The following PTPN4 variants were observed in gnomAD, a reference collection of about 807,000 sequenced individuals.
The protein encoded by PTPN4 is protein tyrosine phosphatase non-receptor type 4.
PTPN4 carries 49 observed loss-of-function variants against 135.5 expected under a neutral mutation model. The observed-to-expected ratio is 0.36, with a 90% confidence interval of 0.29 to 0.46. The LOEUF (loss-of-function observed/expected upper bound fraction) is 0.46, where lower values mean the gene tolerates loss of function less well. Among genes scored for constraint, PTPN4 ranks in the 20% least tolerant of loss-of-function variants. PTPN4 has a pLI of 1.00. For missense variants in PTPN4, 860 were observed against 1,101.0 expected (o/e 0.78, Z 3.10); for synonymous variants, 333 against 369.9 (o/e 0.90, Z 1.14).
At chr2:119,793,956 A>G (rs1558727461) in intron 1 of PTPN4, among the ~76,000 whole-genome samples, 1 of 133,506 alleles carries the variant, frequency 7.5e-6, no homozygotes, top group Non-Finnish European at 1.5e-5. Context: ...CCTGGGTTCA[A>G]GTGATCCTCC....
chr2:119,874,879 A>G (rs1433680213), intron 3 of PTPN4, among the ~76,000 whole-genome samples: 1 of 152,204 alleles, frequency 6.6e-6, no homozygotes, highest in East Asian at 1.9e-4. Flanking sequence ...GGTACAATTT[A>G]TACTTTCAGA....
At chr2:119,830,849 C>A (rs1217697746) in intron 2 of PTPN4, among the ~76,000 whole-genome samples, 20 of 152,134 alleles carry the variant, frequency 1.3e-4, no homozygotes. Context: ...TTCCTGAGGC[C>A]TCCCCAGAAG....
At chr2:119,847,517 G>A (rs566772962) in intron 2 of PTPN4, among the ~76,000 whole-genome samples, 588 of 151,948 alleles carry the variant, frequency 3.9e-3, no homozygotes, top group Non-Finnish European at 6.2e-3. Flanking sequence ...AGTAGAAACG[G>A]TATTTCTCCA....
chr2:119,762,214 A>G (rs1004703357), intron 1 of PTPN4, among the ~76,000 whole-genome samples: 1 of 152,230 alleles, frequency 6.6e-6, no homozygotes, highest in East Asian at 1.9e-4. Flanking sequence ...AAGGACTTTT[A>G]AAAAAAGTAT....
intron 22 of PTPN4, among the ~76,000 whole-genome samples, chr2:119,960,101 A>G (rs903962975): frequency 6.6e-6 from 1 of 152,208 alleles, no homozygotes; most frequent in African/African-American, 2.4e-5. Context: ...AGGCTATATG[A>G]CAAACAGAAA....
At chr2:119,792,888 G>A (rs1479921179) in intron 1 of PTPN4, among the ~76,000 whole-genome samples, 1 of 152,176 alleles carries the variant, frequency 6.6e-6, no homozygotes, top group African/African-American at 2.4e-5. Context: ...GGGAGGGAGT[G>A]TATGAATAGG....
At chr2:119,791,977 T>G (rs2104935954) in intron 1 of PTPN4, among the ~76,000 whole-genome samples, 1 of 152,284 alleles carries the variant, frequency 6.6e-6, no homozygotes, top group East Asian at 1.9e-4. Context: ...CGTGTTTTTT[T>G]GTTTTGTTTT....
chr2:119,913,657 C>A (rs868840847), intron 10 of PTPN4, among the ~76,000 whole-genome samples: 2 of 152,030 alleles, frequency 1.3e-5, no homozygotes, highest in Middle Eastern at 6.8e-3. Flanking sequence ...CAAAGGCAAA[C>A]CTTAAACTGA....
intron 2 of PTPN4, among the ~76,000 whole-genome samples, chr2:119,839,838 T>TC (rs1159750740): frequency 6.6e-6 from 1 of 152,194 alleles, no homozygotes; most frequent in Non-Finnish European, 1.5e-5. Context: ...AATTTTGTCA[T>TC]CAGTATGCAG....
rs17049932 is a variant in PTPN4, at chr2:119,975,795, T to G, written c.2695-1189T>G. The stretch of plus-strand genomic sequence containing the variant: ...CAACTAGATACACACATTGATTAGT[T>G]TTATGATATTGTCAATGCTTAGGGA... On this transcript the variant is annotated intron_variant, in intron 26 of 26. Transcript: ENST00000263708. Among the ~76,000 whole-genome samples, 949 of 152,134 alleles carry G rather than the reference T, an allele frequency of 6.2e-3. 7 individuals are homozygous for G. The highest frequency in any genetic ancestry group is 0.022 in the African/African-American group (910 of 41,504).
intron 12 of PTPN4, among the ~76,000 whole-genome samples, chr2:119,922,558 A>G (rs1678753266): frequency 6.6e-6 from 1 of 152,156 alleles, no homozygotes; most frequent in Non-Finnish European, 1.5e-5. Flanking sequence ...TATCCTTTAT[A>G]TATATTGTTT....
chr2:119,819,224 A>C (rs1677032220), intron 2 of PTPN4, among the ~76,000 whole-genome samples: 1 of 152,162 alleles, frequency 6.6e-6, no homozygotes, highest in South Asian at 2.1e-4. Context: ...GACTTGATTC[A>C]TCTGCCCTTT....
chr2:119,920,283 G>A, intron 12 of PTPN4, 42 bp downstream of exon 12: 2 of 1,524,668 alleles, frequency 1.3e-6, no homozygotes, highest in African/African-American at 2.8e-5. Flanking sequence ...GTTGGATTTT[G>A]TTTCCTTTCT....
intron 22 of PTPN4, among the ~76,000 whole-genome samples, chr2:119,957,808 A>G (rs1035336792): frequency 6.6e-6 from 1 of 152,156 alleles, no homozygotes; most frequent in African/African-American, 2.4e-5. Context: ...TCTTTATATC[A>G]TATCGTTCAT....
At chr2:119,820,911 A>G (rs1428609047) in intron 2 of PTPN4, among the ~76,000 whole-genome samples, 1 of 151,100 alleles carries the variant, frequency 6.6e-6, no homozygotes, top group Non-Finnish European at 1.5e-5. Flanking sequence ...CTGGACTTGC[A>G]TGTGTATATG....
At chr2:119,924,004 G>A (rs1484452185) in intron 12 of PTPN4, among the ~76,000 whole-genome samples, 1 of 151,938 alleles carries the variant, frequency 6.6e-6, no homozygotes, top group Non-Finnish European at 1.5e-5. Context: ...GGGCGTAGTG[G>A]TGGGCACCTG....
At chr2:119,896,614 T>C (rs940311607) in intron 9 of PTPN4, among the ~76,000 whole-genome samples, 5 of 152,222 alleles carry the variant, frequency 3.3e-5, no homozygotes, top group African/African-American at 1.2e-4. Flanking sequence ...GATCCATTAA[T>C]TTATTGGAAG....
intron 2 of PTPN4, among the ~76,000 whole-genome samples, chr2:119,853,902 T>C (rs1000304445): frequency 3.3e-5 from 5 of 152,064 alleles, no homozygotes; most frequent in Non-Finnish European, 5.9e-5. Flanking sequence ...CACGGACACA[T>C]GTGGCATGGT....
chr2:119,976,869 T>G, intron 26 of PTPN4, 115 bp from the exon 27 acceptor site: 1 of 1,479,252 alleles, frequency 6.8e-7, no homozygotes, highest in South Asian at 1.4e-5. Flanking sequence ...TATGCAGTTT[T>G]GTTTTGCATT....
Sources: gnomAD v4.1 joint callset for allele counts (sites outside exome capture counted in the v4.1 genomes callset) on GRCh38, gnomAD v4.1.1 for gene constraint, MANE v1.5 for transcripts, NCBI Gene and HGNC (gene_info 2026-07-23, HGNC 2026-07-21) for gene names.